PCDH15: variants seen among roughly 807,000 people sequenced by gnomAD.
PCDH15 encodes the protein protocadherin related 15.
A neutral mutation model predicts 178.5 loss-of-function variants in PCDH15; 129 were observed. That is an observed-to-expected ratio of 0.72 (90% CI 0.63 to 0.84). PCDH15 has a LOEUF of 0.84. PCDH15 is among the 40% of genes least tolerant of loss of function. The pLI, the probability that PCDH15 is intolerant of heterozygous loss-of-function variation, is 0.00. For missense variants in PCDH15, 2,230 were observed against 2,099.9 expected (o/e 1.06, Z -1.21); for synonymous variants, 800 against 732.0 (o/e 1.09, Z -1.50).
intron 2 of PCDH15, among the ~76,000 whole-genome samples, chr10:55,165,615 C>G (rs1206683138): frequency 6.6e-6 from 1 of 151,930 alleles, no homozygotes; most frequent in South Asian, 2.1e-4. Flanking sequence ...TACTTTGCCA[C>G]AGCTTTATGA....
intron 25 of PCDH15, among the ~76,000 whole-genome samples, chr10:53,904,892 C>T (rs1340180009): frequency 6.6e-6 from 1 of 151,924 alleles, no homozygotes; most frequent in African/African-American, 2.4e-5. Flanking sequence ...ATATACAATT[C>T]AAATGTGCTA....
intron 8 of PCDH15, among the ~76,000 whole-genome samples, chr10:54,239,213 A>G (rs2054967713): frequency 6.6e-6 from 1 of 151,000 alleles, no homozygotes; most frequent in African/African-American, 2.5e-5. Flanking sequence ...CCTACACATA[A>G]GCAGTTTTAG....
intron 21 of PCDH15, among the ~76,000 whole-genome samples, chr10:53,974,048 C>T (rs1201805766): frequency 6.6e-6 from 1 of 152,088 alleles, no homozygotes; most frequent in African/African-American, 2.4e-5. Flanking sequence ...GACAGAGTTT[C>T]ACTCTGTCGT....
chr10:54,920,250 C>A (rs1007194233), intron 2 of PCDH15, among the ~76,000 whole-genome samples: 1 of 151,998 alleles, frequency 6.6e-6, no homozygotes, highest in African/African-American at 2.4e-5. Context: ...GCGGGCAGAT[C>A]ACTAGGTCAG....
chr10:54,044,371 AG>A (rs982161860), intron 18 of PCDH15, among the ~76,000 whole-genome samples: 5 of 152,164 alleles, frequency 3.3e-5, no homozygotes, highest in Non-Finnish European at 7.4e-5. Context: ...GTATGACCAG[AG>A]AAACCATCTA....
chr10:55,374,046 C>A lies in PCDH15; in HGVS notation c.-155-207395G>T, dbSNP rs148724331. On this transcript the variant is annotated intron_variant, in intron 2 of 5. Coordinates refer to the PCDH15 transcript ENST00000613346. ...CATGCATGTGTATACCTATGTAACA[C>A]ACCTGCACGTTCTGCACATGTATCC... Among the ~76,000 whole-genome samples the A allele has an allele frequency of 6.0e-3, 913 of 151,016 alleles. 11 individuals are homozygous for A. Among genetic ancestry groups the A allele is most frequent in the African/African-American group, 0.019 (793 of 41,150 alleles).
chr10:55,574,172 T>C (rs1842456187), intron 2 of PCDH15, among the ~76,000 whole-genome samples: 1 of 152,010 alleles, frequency 6.6e-6, no homozygotes, highest in African/African-American at 2.4e-5. Context: ...TCCTTAGTCA[T>C]GAGTTTTAGC....
At chr10:55,356,162 C>CT (rs930920842) in intron 2 of PCDH15, among the ~76,000 whole-genome samples, 3 of 151,402 alleles carry the variant, frequency 2.0e-5, no homozygotes, top group African/African-American at 7.3e-5. Flanking sequence ...GTGTTCAGCC[C>CT]TTTTTTTGTT....
chr10:54,469,285 C>T lies in PCDH15; in HGVS notation c.157+58527G>A, dbSNP rs538010266. On this transcript the variant is annotated intron_variant, in intron 3 of 37. Coordinates refer to ENST00000644397, the MANE Select transcript of PCDH15 (RefSeq NM_001384140.1). Reference sequence around the variant, plus strand: ...CTAATTTTTGTATTTTTGATTGAGACCAGATTTTACTATGTTGGCCAGGCT... The same window carrying T: ...CTAATTTTTGTATTTTTGATTGAGATCAGATTTTACTATGTTGGCCAGGCT... Among the ~76,000 whole-genome samples the T allele has an allele frequency of 1.4e-4, 22 of 152,126 alleles. 1 individual carries two copies. The highest frequency in any genetic ancestry group is 4.8e-4 in the African/African-American group (20 of 41,524).
At chr10:53,955,387 G>C (rs961093868) in intron 23 of PCDH15, among the ~76,000 whole-genome samples, 7 of 152,152 alleles carry the variant, frequency 4.6e-5, no homozygotes, top group African/African-American at 1.4e-4. Context: ...TTTAATGACT[G>C]TCTAATAGAA....
At chr10:54,056,174 T>C (rs368059325) in intron 18 of PCDH15, among the ~76,000 whole-genome samples, 3 of 152,260 alleles carry the variant, frequency 2.0e-5, no homozygotes, top group East Asian at 3.9e-4. Flanking sequence ...TGCTGGAATG[T>C]GTAAAAATCA....
intron 8 of PCDH15, among the ~76,000 whole-genome samples, chr10:54,276,564 T>C (rs1468629918): frequency 2.0e-5 from 3 of 151,660 alleles, no homozygotes; most frequent in Non-Finnish European, 4.4e-5. Flanking sequence ...TGTGAGATAG[T>C]TGATGATATT....
At chr10:54,212,941 G>C (rs1218745458) in intron 10 of PCDH15, among the ~76,000 whole-genome samples, 1 of 152,062 alleles carries the variant, frequency 6.6e-6, no homozygotes, top group Non-Finnish European at 1.5e-5. Context: ...GTGCAAATGA[G>C]AATATTACTA....
chr10:55,064,871 T>C (rs1922158), intron 2 of PCDH15, among the ~76,000 whole-genome samples: 85,750 of 151,912 alleles, frequency 0.56, 24,609 homozygotes, highest in East Asian at 0.75. Context: ...TGAGACATCA[T>C]AAGCACAAAC....
At chr10:55,133,375 T>G (rs1249233007) in intron 2 of PCDH15, among the ~76,000 whole-genome samples, 1 of 152,160 alleles carries the variant, frequency 6.6e-6, no homozygotes, top group Non-Finnish European at 1.5e-5. Flanking sequence ...CACCATACTC[T>G]AAACGTTTTC....
intron 1 of PCDH15, among the ~76,000 whole-genome samples, chr10:55,270,499 C>T (rs918171714): frequency 2.0e-5 from 3 of 151,800 alleles, no homozygotes; most frequent in Non-Finnish European, 1.5e-5. Context: ...ACAGACACTT[C>T]GCAAAAGAAG....
intron 2 of PCDH15, among the ~76,000 whole-genome samples, chr10:55,507,444 T>C (rs1840782075): frequency 6.6e-6 from 1 of 151,490 alleles, no homozygotes; most frequent in African/African-American, 2.4e-5. Flanking sequence ...AACCACTGGA[T>C]TCTATATCCT....
At chr10:55,005,642 TC>T (rs1409658128) in intron 2 of PCDH15, among the ~76,000 whole-genome samples, 1 of 152,200 alleles carries the variant, frequency 6.6e-6, no homozygotes, top group East Asian at 1.9e-4. Context: ...CACATTTTTT[TC>T]CCTCTATTCT....
chr10:54,030,854 G>T (rs2093271823), intron 18 of PCDH15, among the ~76,000 whole-genome samples: 1 of 151,726 alleles, frequency 6.6e-6, no homozygotes, highest in African/African-American at 2.4e-5. Context: ...AAGTGTCAGT[G>T]GTTTGTTACC....
Sources: allele counts gnomAD v4.1 joint callset (sites outside exome capture counted in the v4.1 genomes callset), GRCh38; gene constraint gnomAD v4.1.1; transcripts MANE v1.5; gene names NCBI Gene and HGNC (gene_info 2026-07-23, HGNC 2026-07-21).